Variants in CUL1 observed in about 807,000 individuals in gnomAD.
CUL1 encodes cullin 1.
Under a neutral mutation model 118.0 loss-of-function variants are expected in CUL1, and 24 were observed. The ratio of observed to expected loss-of-function variants is 0.20; its 90% CI spans 0.15 to 0.29. The LOEUF (loss-of-function observed/expected upper bound fraction) is 0.29, where lower values mean the gene tolerates loss of function less well. Ranked by LOEUF, CUL1 falls within the 10% of genes least tolerant of loss-of-function variation. CUL1 has a pLI of 1.00. For synonymous variants in CUL1, 332 were observed against 340.4 expected (o/e 0.98, Z 0.27); for missense variants, 361 against 933.8 (o/e 0.39, Z 7.99).
At chr7:148,757,226 A>G in intron 4 of CUL1, 76 bp downstream of exon 4, 1 of 936,024 alleles carries the variant, frequency 1.1e-6, no homozygotes, top group Non-Finnish European at 1.5e-6. Flanking sequence ...TCTTTCAGCA[A>G]GAGAATCTAG....
At chr7:148,719,519 A>C (rs867320537) in intron 1 of CUL1, among the ~76,000 whole-genome samples, 39 of 152,210 alleles carry the variant, frequency 2.6e-4, no homozygotes, top group African/African-American at 9.2e-4. Flanking sequence ...GTCTTATCTA[A>C]TTAGATAATC....
At chr7:148,717,610 A>C (rs113177389) in intron 1 of CUL1, among the ~76,000 whole-genome samples, 3 of 149,974 alleles carry the variant, frequency 2.0e-5, no homozygotes, top group African/African-American at 7.4e-5. Flanking sequence ...TAACTCTGTC[A>C]CCCTCACAGA....
intron 2 of CUL1, among the ~76,000 whole-genome samples, chr7:148,735,305 C>G (rs112295471): frequency 1.3e-5 from 2 of 152,220 alleles, no homozygotes; most frequent in African/African-American, 4.8e-5. Context: ...GCAGGGACAC[C>G]GTGCCAGGAC....
intron 9 of CUL1, among the ~76,000 whole-genome samples, chr7:148,783,141 C>T (rs1558419): frequency 0.69 from 105,292 of 152,096 alleles, 36,961 homozygotes; most frequent in African/African-American, 0.81. Context: ...CCATTGTCGC[C>T]GCCTTCCTTT....
At position 148,797,929 on chromosome 7, in the gene CUL1, T is replaced by A. The variant is rs751135481; in HGVS notation, c.1948-8T>A. ...TGAGATTGTAGAGTAACAATTGTTT[T>A]CTTACAGGTCTTGGAAGATGAAAAT... On this transcript the variant is annotated splice_region_variant and splice_polypyrimidine_tract_variant and intron_variant, in intron 18 of 21. Transcript: ENST00000325222. 6.2e-7 allele frequency: 1 copy of A among 1,612,714 alleles called. No individual in the cohort carries two copies. The highest frequency in any genetic ancestry group is 1.7e-5 in the Admixed American group (1 of 59,960).
intron 17 of CUL1, among the ~76,000 whole-genome samples, chr7:148,795,647 G>A (rs916816087): frequency 1.3e-5 from 2 of 151,966 alleles, no homozygotes; most frequent in African/African-American, 4.8e-5. Flanking sequence ...GCAGGTGCCT[G>A]TAGTCCCAGC....
At chr7:148,794,976 C>T (rs560229354) in intron 17 of CUL1, among the ~76,000 whole-genome samples, 48 of 152,236 alleles carry the variant, frequency 3.2e-4, no homozygotes, top group South Asian at 2.1e-4. Flanking sequence ...GGATTACAGG[C>T]GTGCGCCACC....
intron 2 of CUL1, among the ~76,000 whole-genome samples, chr7:148,746,968 C>T (rs137903571): frequency 2.6e-5 from 4 of 152,142 alleles, no homozygotes; most frequent in African/African-American, 7.2e-5. Context: ...TAGCTTGTTA[C>T]GAGTTTTTTG....
chr7:148,763,455 A>G (rs979591184), intron 7 of CUL1, among the ~76,000 whole-genome samples: 2 of 152,224 alleles, frequency 1.3e-5, no homozygotes, highest in African/African-American at 4.8e-5. Flanking sequence ...ATAGCCTTGC[A>G]TCTCAAACTG....
chr7:148,748,841 T>A (rs1367641155), intron 2 of CUL1, among the ~76,000 whole-genome samples: 1 of 152,188 alleles, frequency 6.6e-6, no homozygotes, highest in Non-Finnish European at 1.5e-5. Context: ...TGAAATTAAA[T>A]TTTTTTGAAG....
chr7:148,753,477 G>GAT (rs74739988), intron 2 of CUL1, among the ~76,000 whole-genome samples: 38,326 of 152,078 alleles, frequency 0.25, 5,583 homozygotes, highest in South Asian at 0.35. Flanking sequence ...ATAAGTTTTA[G>GAT]ATGGCTATGA....
In CUL1 at chr7:148,797,814, C is replaced by G; in HGVS notation, c.1902C>G (p.Asp634Glu). The change falls in exon 18 of 22, where the codon GAC (aspartate) becomes GAG (glutamate). Residue 634 changes from aspartate to glutamate, a missense_variant and splice_region_variant. This residue lies in a region of CUL1 where 84 missense variants were observed against 203.3 expected (regional missense o/e 0.41). Coordinates refer to ENST00000325222, the MANE Select transcript of CUL1 (RefSeq NM_003592.3). ...CCTCTTTTTCTCTTTAATTGCAGGA[C>G]ATTTTGGCGCAAGTTTTACAGATTT... ...QLTDSTQIKM[D>E]ILAQVLQILL... The G allele has an allele frequency of 6.2e-7, 1 of 1,612,268 alleles. No homozygotes were observed. The highest frequency in any genetic ancestry group is 8.5e-7 in the Non-Finnish European group (1 of 1,179,430).
At chr7:148,748,719 C>T (rs898193411) in intron 2 of CUL1, among the ~76,000 whole-genome samples, 18 of 152,004 alleles carry the variant, frequency 1.2e-4, no homozygotes, top group African/African-American at 3.9e-4. Flanking sequence ...GAAATAATGG[C>T]CCCCCCGTTC....
intron 7 of CUL1, among the ~76,000 whole-genome samples, chr7:148,764,045 A>G (rs1396077818): frequency 6.6e-6 from 1 of 152,156 alleles, no homozygotes; most frequent in African/African-American, 2.4e-5. Flanking sequence ...TGCGATTGAG[A>G]CTGATCTGAG....
At chr7:148,781,151 G>T (rs530278148) in intron 9 of CUL1, among the ~76,000 whole-genome samples, 1 of 141,046 alleles carries the variant, frequency 7.1e-6, no homozygotes. Flanking sequence ...GCGCGATCTC[G>T]GCTCACTGCA....
At position 148,701,634 on chromosome 7, in the gene CUL1, G is replaced by C. The variant is rs573434927; in HGVS notation, c.-162+2605G>C. On this transcript the variant is annotated intron_variant, in intron 1 of 21. Transcript: ENST00000325222. ...CCTTGTAGATGAGGCAAGCCCCATGGTTCTGCTGGAGTGGGATAGGAAGTT... is the reference window on the plus strand; with the variant it reads ...CCTTGTAGATGAGGCAAGCCCCATGCTTCTGCTGGAGTGGGATAGGAAGTT... 7.5e-4 allele frequency among the ~76,000 whole-genome samples: 115 copies of C among 152,318 alleles called. 3 individuals carry two copies. Among genetic ancestry groups the C allele is most frequent in the Admixed American group, 6.9e-3 (105 of 15,294 alleles).
intron 9 of CUL1, among the ~76,000 whole-genome samples, chr7:148,776,286 T>C (rs896243300): frequency 6.8e-5 from 10 of 146,242 alleles, no homozygotes; most frequent in African/African-American, 2.3e-4. Flanking sequence ...ATTTGTCATT[T>C]TGGAGTCTAA....
rs535995100 is a variant in CUL1 at position 148,796,870 on chromosome 7, G to C, written c.1900-942G>C. On this transcript the variant is annotated intron_variant, in intron 17 of 21. Coordinates refer to ENST00000325222, the MANE Select transcript of CUL1 (RefSeq NM_003592.3). ...TATTCGAATGGCTGCTGGCAGTTCT[G>C]GGTCAGTTACTAGACTAGAGAGAGG... 7.2e-5 allele frequency among the ~76,000 whole-genome samples: 11 copies of C among 152,302 alleles called. No homozygotes were observed. In the South Asian group the frequency reaches 2.3e-3, roughly 32 times the overall value.
At chr7:148,729,824 T>TA (rs1798699245) in intron 1 of CUL1, 138 bp from the exon 2 acceptor site, 1 of 269,732 alleles carries the variant, frequency 3.7e-6, no homozygotes, top group African/African-American at 2.2e-5. Flanking sequence ...ACCATATGGT[T>TA]AACATGAATG....
Sources: allele counts gnomAD v4.1 joint callset (sites outside exome capture counted in the v4.1 genomes callset), GRCh38; gene constraint gnomAD v4.1.1; regional missense constraint gnomAD v4.1.1; transcripts MANE v1.5; gene names NCBI Gene and HGNC (gene_info 2026-07-23, HGNC 2026-07-21).